Variants in DSCAML1 observed in about 807,000 individuals in gnomAD.
DSCAML1 encodes the protein cell adhesion molecule DSCAML1.
Under a neutral mutation model 200.5 loss-of-function variants are expected in DSCAML1, and 38 were observed. The observed-to-expected ratio is 0.19, with a 90% CI of 0.15 to 0.25. The LOEUF (loss-of-function observed/expected upper bound fraction) is 0.25. DSCAML1 is among the 10% of genes least tolerant of loss of function. DSCAML1 has a pLI of 1.00. For missense variants in DSCAML1, 2,223 were observed against 2,858.8 expected (o/e 0.78, Z 5.07); for synonymous variants, 1,215 against 1,165.0 (o/e 1.04, Z -0.87).
intron 3 of DSCAML1, among the ~76,000 whole-genome samples, chr11:117,721,162 C>T (rs536615675): frequency 6.6e-6 from 1 of 152,308 alleles, no homozygotes; most frequent in East Asian, 1.9e-4. Flanking sequence ...TAACAGCTAC[C>T]ATGTTCTGCA....
intron 8 of DSCAML1, among the ~76,000 whole-genome samples, chr11:117,512,798 CACA>C (rs1565754101): frequency 3.3e-5 from 5 of 150,212 alleles, no homozygotes; most frequent in Admixed American, 2.6e-4. Context: ...CACACACACA[CACA>C]CCCCTCCCCT....
intron 3 of DSCAML1, among the ~76,000 whole-genome samples, chr11:117,765,685 C>T (rs1439036264): frequency 6.6e-6 from 1 of 152,178 alleles, no homozygotes; most frequent in African/African-American, 2.4e-5. Context: ...CAGAAAAATA[C>T]ATTATATACA....
At chr11:117,747,357 G>C (rs539858230) in intron 3 of DSCAML1, among the ~76,000 whole-genome samples, 60 of 152,202 alleles carry the variant, frequency 3.9e-4, no homozygotes, top group Middle Eastern at 6.8e-3. Flanking sequence ...TGTAGTCCTG[G>C]GCTGGGGTTG....
At chr11:117,711,464 T>C (rs2053848130) in intron 3 of DSCAML1, among the ~76,000 whole-genome samples, 1 of 152,194 alleles carries the variant, frequency 6.6e-6, no homozygotes. Context: ...AGGTGAAGGT[T>C]CAGGGCAGTT....
chr11:117,565,682 G>A (rs2050743862), intron 3 of DSCAML1, among the ~76,000 whole-genome samples: 1 of 152,262 alleles, frequency 6.6e-6, no homozygotes, highest in African/African-American at 2.4e-5. Context: ...CTGTGCTTAG[G>A]CCCACTGTCT....
chr11:117,672,121 A>AAAAAAAAAAAAAAAG (rs1555196996), intron 3 of DSCAML1, among the ~76,000 whole-genome samples: 3 of 147,474 alleles, frequency 2.0e-5, no homozygotes, highest in African/African-American at 7.4e-5. Context: ...AAAAAAAAAA[A>AAAAAAAAAAAAAAAG]AAGAAGAAAC....
intron 3 of DSCAML1, among the ~76,000 whole-genome samples, chr11:117,736,384 C>A (rs1431980694): frequency 6.6e-6 from 1 of 152,196 alleles, no homozygotes; most frequent in Non-Finnish European, 1.5e-5. Flanking sequence ...AGCCAGCCAC[C>A]CAGGGGTGAG....
At chr11:117,509,141 A>T (rs2049566622) in intron 8 of DSCAML1, among the ~76,000 whole-genome samples, 1 of 151,960 alleles carries the variant, frequency 6.6e-6, no homozygotes, top group Non-Finnish European at 1.5e-5. Context: ...TTAGACAAGG[A>T]CCGCCTGGAT....
intron 11 of DSCAML1, among the ~76,000 whole-genome samples, chr11:117,495,102 G>A (rs1159249208): frequency 6.6e-6 from 1 of 152,172 alleles, no homozygotes; most frequent in African/African-American, 2.4e-5. Context: ...CCCAGGGATG[G>A]TAGCCAAGCC....
chr11:117,780,304 G>GAA lies in DSCAML1; in HGVS notation c.364+188_364+189insTT, dbSNP rs71037499. Among the ~76,000 whole-genome samples the GAA allele has an allele frequency of 0.11, 10,986 of 96,088 alleles. 736 individuals are homozygous for GAA. The highest frequency in any genetic ancestry group is 0.14 in the East Asian group (487 of 3,440). The allele number at this position is 96,088 out of a possible 152,430, so 63.0% of individuals were successfully genotyped here. A position where few individuals can be genotyped will look rare whatever the true frequency, so the allele number is the denominator to read the frequency against. On this transcript the variant is annotated intron_variant, in intron 2 of 32. Transcript: ENST00000651296. This position sits in a 1 kb window ranked among gnomAD's most constrained non-coding sequence, Gnocchi z 4.8. ...AGAAAGAAAGAAAGAAAGAAAGAAAGAGAGAAAGGAGAAAGAAAGGTGTCT... is the reference window on the plus strand; with the variant it reads ...AGAAAGAAAGAAAGAAAGAAAGAAAGAAAGAGAAAGGAGAAAGAAAGGTGTCT...
chr11:117,443,786 T>C (rs1279453150), intron 21 of DSCAML1, 100 bp downstream of exon 21: 1 of 1,474,514 alleles, frequency 6.8e-7, no homozygotes, highest in East Asian at 2.3e-5. Flanking sequence ...GGGTGGCAGA[T>C]AAAGCGGAGC....
chr11:117,793,876 T>C (rs1395190340), intron 1 of DSCAML1, among the ~76,000 whole-genome samples: 1 of 152,176 alleles, frequency 6.6e-6, no homozygotes, highest in Admixed American at 6.5e-5. Flanking sequence ...TCGGAAAGGC[T>C]TGTCGGGCAT....
chr11:117,810,067 T>A (rs986532147), intron 1 of DSCAML1, among the ~76,000 whole-genome samples: 1 of 148,936 alleles, frequency 6.7e-6, no homozygotes, highest in Non-Finnish European at 1.5e-5. Flanking sequence ...ATTCACACAC[T>A]CACTTACACA....
chr11:117,552,077 G>A (rs2050477308), intron 3 of DSCAML1, among the ~76,000 whole-genome samples: 1 of 152,024 alleles, frequency 6.6e-6, no homozygotes, highest in Non-Finnish European at 1.5e-5. Context: ...GGGGAAGGGA[G>A]AGAGGCGAGG....
chr11:117,461,592 G>T lies in DSCAML1; in HGVS notation c.3270C>A (p.Pro1090=), dbSNP rs1339182424. 1 of 1,611,730 alleles carries T rather than the reference G, an allele frequency of 6.2e-7. No individual in the cohort carries two copies. The change falls in exon 18 of 33, where the codon CCC becomes CCA. Residue 1090 remains proline (P), a synonymous_variant. Transcript: ENST00000651296. ...CCCGGACGTTCTCAGGGGGCTGGCT[G>T]GGCACTGCAGGGGGTAGGGGGAGAA... ...EINATTLEDV[P]SQPPENVRAL... is the part of the protein sequence containing the mutation.
chr11:117,441,265 G>A (rs2048040646), intron 21 of DSCAML1, among the ~76,000 whole-genome samples: 1 of 152,196 alleles, frequency 6.6e-6, no homozygotes, highest in African/African-American at 2.4e-5. Context: ...GGACCGGATG[G>A]CTTCATCTCA....
chr11:117,529,124 G>A (rs2050029703), intron 4 of DSCAML1, among the ~76,000 whole-genome samples: 1 of 152,090 alleles, frequency 6.6e-6, no homozygotes, highest in African/African-American at 2.4e-5. Flanking sequence ...AGGCTGGAGT[G>A]CAGTGGCATG....
At chr11:117,626,646 G>C (rs995664766) in intron 3 of DSCAML1, among the ~76,000 whole-genome samples, 1 of 152,040 alleles carries the variant, frequency 6.6e-6, no homozygotes. Context: ...GCGGATTCTC[G>C]AGCTGTACCC....
In DSCAML1 at chr11:117,698,022, G is replaced by A. The variant is rs1010147106; in HGVS notation, c.511+78769C>T. On this transcript the variant is annotated intron_variant, in intron 3 of 32. Coordinates refer to ENST00000651296, the MANE Select transcript of DSCAML1 (RefSeq NM_020693.4). ...CTTGACTTCGTGATCCACCTGCCTCGGCCTCCCAAAGTGCTGGGATTTCAG... is the reference window on the plus strand; with the variant it reads ...CTTGACTTCGTGATCCACCTGCCTCAGCCTCCCAAAGTGCTGGGATTTCAG... 5.9e-5 allele frequency among the ~76,000 whole-genome samples: 9 copies of A among 152,190 alleles called. No individual in the cohort carries two copies. In the South Asian group the frequency reaches 1.2e-3, roughly 21 times the overall value.
Sources: gnomAD v4.1 joint callset for allele counts (sites outside exome capture counted in the v4.1 genomes callset) on GRCh38, gnomAD v4.1.1 for gene constraint, Gnocchi (gnomAD v3.1) non-coding constraint, MANE v1.5 for transcripts, NCBI Gene and HGNC (gene_info 2026-07-23, HGNC 2026-07-21) for gene names.